Variants in RGS20 observed in about 807,000 individuals in gnomAD.
RGS20 encodes the protein regulator of G protein signaling 20.
RGS20 carries 30 observed loss-of-function variants against 33.6 expected under a neutral mutation model. That is an observed-to-expected ratio of 0.89 (90% CI 0.67 to 1.21). The LOEUF is 1.21. Among genes scored for constraint, RGS20 ranks in the 50% most tolerant of loss-of-function variants. RGS20 has a pLI of 0.00. For missense variants in RGS20, 472 were observed against 502.4 expected (o/e 0.94, Z 0.58); for synonymous variants, 208 against 197.9 (o/e 1.05, Z -0.43).
chr8:53,951,818 G>A (rs1168373507), intron 4 of RGS20, among the ~76,000 whole-genome samples: 1 of 151,586 alleles, frequency 6.6e-6, no homozygotes, highest in Non-Finnish European at 1.5e-5. Flanking sequence ...GGAGTTTGAG[G>A]CCAGCCTGGC....
At chr8:53,949,871 G>A (rs1415210255) in intron 4 of RGS20, among the ~76,000 whole-genome samples, 2 of 148,472 alleles carry the variant, frequency 1.3e-5, no homozygotes, top group Non-Finnish European at 3.0e-5. Context: ...ATGGAGTCTA[G>A]CTCTGTCACC....
At chr8:53,892,612 A>G (rs909230089) in intron 2 of RGS20, among the ~76,000 whole-genome samples, 26 of 152,210 alleles carry the variant, frequency 1.7e-4, no homozygotes, top group Non-Finnish European at 2.4e-4. Flanking sequence ...GACTTTGATC[A>G]TTAGTTTTGT....
chr8:53,869,497 G>T, intron 1 of RGS20, among the ~76,000 whole-genome samples: 1 of 152,104 alleles, frequency 6.6e-6, no homozygotes, highest in East Asian at 1.9e-4. Context: ...CCAACATGGT[G>T]AAACCCTGTC....
At position 53,927,406 on chromosome 8, in the gene RGS20, T is replaced by C. The variant is rs369446477; in HGVS notation, c.511-12170T>C. 3.9e-5 allele frequency among the ~76,000 whole-genome samples: 6 copies of C among 152,230 alleles called. No homozygotes were observed. The East Asian group carries it at 7.7e-4, about 20-fold the overall frequency. ...TTTGTGTAGAGATGGGGTTTCTCCA[T>C]GTTGCCCAGGCTGGTCTCAAACTCC... On this transcript the variant is annotated intron_variant, in intron 2 of 5. Coordinates refer to ENST00000297313, the MANE Select transcript of RGS20 (RefSeq NM_170587.4).
At chr8:53,902,795 G>A (rs772809528) in intron 2 of RGS20, among the ~76,000 whole-genome samples, 19 of 151,952 alleles carry the variant, frequency 1.3e-4, no homozygotes, top group Non-Finnish European at 2.1e-4. Context: ...GCACGATCTC[G>A]GCTCACAGCA....
At chr8:53,902,923 G>A (rs561990344) in intron 2 of RGS20, among the ~76,000 whole-genome samples, 204 of 152,160 alleles carry the variant, frequency 1.3e-3, no homozygotes, top group African/African-American at 4.6e-3. Context: ...ACAGGATTTC[G>A]CCATGATGGC....
intron 1 of RGS20, among the ~76,000 whole-genome samples, chr8:53,865,498 A>T (rs1175338205): frequency 2.0e-5 from 3 of 152,266 alleles, no homozygotes. Flanking sequence ...CCCAGCTTCA[A>T]CAATTATCAA....
rs886832988 is a variant in RGS20 at position 53,877,340 on chromosome 8, C to G, written c.166-1918C>G. The stretch of plus-strand genomic sequence containing the variant: ...CCCGCCCTCGCCGAGGGCCCTCGCT[C>G]CGGAGTGGGGCGCAGACGCGGCCGC... On this transcript the variant is annotated intron_variant, in intron 1 of 5. Coordinates refer to ENST00000297313, the MANE Select transcript of RGS20 (RefSeq NM_170587.4). The surrounding 1 kb of genome is among the most constrained non-coding windows in gnomAD (Gnocchi z 5.7). Among the ~76,000 whole-genome samples, 17 of 152,162 alleles carry G rather than the reference C, an allele frequency of 1.1e-4. No individual in the cohort carries two copies. The highest frequency in any genetic ancestry group is 8.8e-5 in the Non-Finnish European group (6 of 68,006).
rs201330640 is a variant in RGS20, at chr8:53,943,879, A to AT, written c.660-2777dup. On this transcript the variant is annotated intron_variant, in intron 3 of 5. Transcript: ENST00000297313. The stretch of plus-strand genomic sequence containing the variant: ...TGCCTCTCAAGTTTTTTTTGGTTGG[A>AT]TTTTTTTTTAAAGAAGCCATTATTT... Among the ~76,000 whole-genome samples the AT allele has an allele frequency of 3.7e-3, 565 of 151,222 alleles. 4 individuals carry two copies. The highest frequency in any genetic ancestry group is 0.013 in the African/African-American group (542 of 41,246).
At chr8:53,858,916 C>CG (rs1811744465) in intron 1 of RGS20, among the ~76,000 whole-genome samples, 1 of 139,658 alleles carries the variant, frequency 7.2e-6, no homozygotes, top group Non-Finnish European at 1.5e-5. Context: ...AAAAAAACCG[C>CG]GGGGGGTGGG....
chr8:53,855,266 T>C (rs915551825), intron 1 of RGS20, among the ~76,000 whole-genome samples: 3 of 152,172 alleles, frequency 2.0e-5, no homozygotes, highest in African/African-American at 7.2e-5. Context: ...GGTTTCACCA[T>C]GTTGGTCAGG....
intron 4 of RGS20, among the ~76,000 whole-genome samples, chr8:53,947,227 C>T (rs1814517037): frequency 1.4e-5 from 2 of 143,316 alleles, no homozygotes; most frequent in African/African-American, 5.1e-5. Flanking sequence ...TTTATTTATA[C>T]ATGCTATATA....
intron 2 of RGS20, among the ~76,000 whole-genome samples, chr8:53,889,658 T>A (rs1207277008): frequency 6.6e-6 from 1 of 151,850 alleles, no homozygotes; most frequent in African/African-American, 2.4e-5. Context: ...TGATCTTTTA[T>A]TATTGTTATT....
At chr8:53,943,676 G>C (rs1043820374) in intron 3 of RGS20, among the ~76,000 whole-genome samples, 1 of 152,168 alleles carries the variant, frequency 6.6e-6, no homozygotes, top group Non-Finnish European at 1.5e-5. Context: ...GAGGGAAAAA[G>C]TATATCAAAG....
intron 2 of RGS20, among the ~76,000 whole-genome samples, chr8:53,902,049 G>A (rs905778446): frequency 1.3e-5 from 2 of 151,470 alleles, no homozygotes; most frequent in African/African-American, 2.4e-5. Flanking sequence ...TCAGGGTCTC[G>A]CTCTGTCACC....
chr8:53,912,707 A>G (rs2129284050), intron 2 of RGS20, among the ~76,000 whole-genome samples: 1 of 152,222 alleles, frequency 6.6e-6, no homozygotes, highest in Non-Finnish European at 1.5e-5. Context: ...GTATGTTTGT[A>G]TATGTGATTT....
chr8:53,879,706 A>G (rs1167473558), intron 2 of RGS20: 18 of 1,022,694 alleles, frequency 1.8e-5, no homozygotes, highest in Non-Finnish European at 1.9e-5. Context: ...TGGGGCTAGC[A>G]GTAGGGAGGG....
At chr8:53,917,216 C>G (rs1247793275) in intron 2 of RGS20, among the ~76,000 whole-genome samples, 1 of 152,092 alleles carries the variant, frequency 6.6e-6, no homozygotes, top group Non-Finnish European at 1.5e-5. Flanking sequence ...GGTGCGATCT[C>G]AGCTCATTGC....
At chr8:53,860,837 C>T (rs956799385) in intron 1 of RGS20, among the ~76,000 whole-genome samples, 2 of 152,040 alleles carry the variant, frequency 1.3e-5, no homozygotes, top group African/African-American at 4.8e-5. Context: ...TGTGGTGGCA[C>T]ATGCCTGTAA....
Sources: allele counts gnomAD v4.1 joint callset (sites outside exome capture counted in the v4.1 genomes callset), GRCh38; gene constraint gnomAD v4.1.1; non-coding constraint Gnocchi (gnomAD v3.1); transcripts MANE v1.5; gene names NCBI Gene and HGNC (gene_info 2026-07-23, HGNC 2026-07-21).